ACCSL: variants seen among roughly 807,000 people sequenced by gnomAD.
ACCSL encodes probable inactive 1-aminocyclopropane-1-carboxylate synthase-like protein 2.
In ACCSL, 55 loss-of-function variants were observed where a neutral mutation model predicts 61.7. The ratio of observed to expected loss-of-function variants is 0.89; its 90% CI spans 0.72 to 1.12. The LOEUF is 1.12. Ranked by LOEUF, ACCSL falls within the 50% of genes most tolerant of loss-of-function variation. The pLI is 0.00. For missense variants in ACCSL, 632 were observed against 698.0 expected, an observed-to-expected ratio of 0.91 and a Z score of 1.07; for synonymous variants, 258 against 264.3, an observed-to-expected ratio of 0.98 and a Z score of 0.23.
the ACCSL span, among the ~76,000 whole-genome samples, chr11:44,026,602 G>T: frequency 1.3e-5 from 2 of 152,092 alleles, no homozygotes; most frequent in Non-Finnish European, 2.9e-5. Flanking sequence ...TTCTTAGTGT[G>T]TCCTGTAATT....
the ACCSL span, among the ~76,000 whole-genome samples, chr11:43,952,399 C>T: frequency 6.6e-6 from 1 of 152,166 alleles, no homozygotes; most frequent in Non-Finnish European, 1.5e-5. Context: ...ATTTCTGCCT[C>T]CAAAGAAAGA....
chr11:44,012,671 A>G, the ACCSL span, among the ~76,000 whole-genome samples: 1 of 152,232 alleles, frequency 6.6e-6, no homozygotes, highest in Admixed American at 6.5e-5. Context: ...ATTATCTTCC[A>G]AGAATCTATC....
At chr11:44,050,143 T>C (rs200625908) in intron 2 of ACCSL, 22 bp downstream of exon 2, 1 of 1,604,858 alleles carries the variant, frequency 6.2e-7, no homozygotes, top group African/African-American at 1.3e-5. Flanking sequence ...CTGGGCTGTG[T>C]TGGGACCCAC....
At chr11:43,984,352 A>T in the ACCSL span, among the ~76,000 whole-genome samples, 17 of 152,148 alleles carry the variant, frequency 1.1e-4, no homozygotes, top group Non-Finnish European at 2.1e-4. Flanking sequence ...TTTCTGTCCC[A>T]TTATCTGCTT....
At chr11:44,012,072 G>T in the ACCSL span, among the ~76,000 whole-genome samples, 1 of 152,028 alleles carries the variant, frequency 6.6e-6, no homozygotes, top group African/African-American at 2.4e-5. Context: ...TGTCCGTCCT[G>T]CCAAAGTCTT....
the ACCSL span, among the ~76,000 whole-genome samples, chr11:43,959,762 C>T: frequency 6.6e-6 from 1 of 152,304 alleles, no homozygotes; most frequent in South Asian, 2.1e-4. Flanking sequence ...TTTGTAGAGA[C>T]CAGGCATTCA....
the ACCSL span, among the ~76,000 whole-genome samples, chr11:44,013,863 T>A: frequency 6.6e-6 from 1 of 151,890 alleles, no homozygotes; most frequent in Non-Finnish European, 1.5e-5. Context: ...GGCTTCGGGG[T>A]TGGTAACAGA....
the ACCSL span, among the ~76,000 whole-genome samples, chr11:43,989,102 G>A: frequency 2.0e-5 from 3 of 152,168 alleles, no homozygotes; most frequent in Non-Finnish European, 4.4e-5. Flanking sequence ...GACTAACAGT[G>A]GCGTTTAGGG....
At chr11:44,029,663 G>A in the ACCSL span, among the ~76,000 whole-genome samples, 1 of 152,148 alleles carries the variant, frequency 6.6e-6, no homozygotes, top group Non-Finnish European at 1.5e-5. Flanking sequence ...CTAAACAAGG[G>A]AGTATGAATA....
the ACCSL span, among the ~76,000 whole-genome samples, chr11:43,968,782 A>T: frequency 6.6e-6 from 1 of 152,166 alleles, no homozygotes; most frequent in African/African-American, 2.4e-5. Context: ...TTTTTCCCTA[A>T]CCTGACAATG....
the ACCSL span, among the ~76,000 whole-genome samples, chr11:44,011,405 G>A: frequency 0.37 from 56,682 of 151,974 alleles, 11,215 homozygotes; most frequent in East Asian, 0.65. Flanking sequence ...GAGGGACTGC[G>A]TCTGTTTTTG....
At chr11:44,036,477 G>A in the ACCSL span, among the ~76,000 whole-genome samples, 5 of 152,302 alleles carry the variant, frequency 3.3e-5, no homozygotes, top group Admixed American at 6.5e-5. Context: ...CCAGGGCCCA[G>A]TATTACAGAT....
chr11:44,015,816 C>T, the ACCSL span, among the ~76,000 whole-genome samples: 1 of 152,212 alleles, frequency 6.6e-6, no homozygotes. Flanking sequence ...TTTAAGCTTT[C>T]TGAGCCTCAG....
the ACCSL span, among the ~76,000 whole-genome samples, chr11:43,970,187 G>A: frequency 6.6e-5 from 10 of 151,978 alleles, no homozygotes; most frequent in South Asian, 2.1e-4. Context: ...AGGATCGCTC[G>A]AGTGATCCTC....
At chr11:44,013,657 T>C in the ACCSL span, among the ~76,000 whole-genome samples, 3 of 152,192 alleles carry the variant, frequency 2.0e-5, no homozygotes, top group Non-Finnish European at 2.9e-5. Context: ...TGAAAATATA[T>C]TACGTATTTC....
the ACCSL span, among the ~76,000 whole-genome samples, chr11:44,028,009 CTCAAAAAAA>C: frequency 6.6e-6 from 1 of 152,012 alleles, no homozygotes; most frequent in African/African-American, 2.4e-5. Context: ...TACAAGTCTT[CTCAAAAAAA>C]TTATCTGGGC....
At chr11:44,049,776 C>T (rs2134765956) in intron 1 of ACCSL, among the ~76,000 whole-genome samples, 1 of 152,298 alleles carries the variant, frequency 6.6e-6, no homozygotes, top group East Asian at 1.9e-4. Flanking sequence ...ACCTTCTTTT[C>T]AGGAATTAAG....
the ACCSL span, among the ~76,000 whole-genome samples, chr11:44,021,201 T>A: frequency 6.6e-6 from 1 of 152,220 alleles, no homozygotes; most frequent in Non-Finnish European, 1.5e-5. Flanking sequence ...CCATACTGTT[T>A]CCCATAGTGG....
chr11:44,042,629 T>A, the ACCSL span, among the ~76,000 whole-genome samples: 1 of 60,402 alleles, frequency 1.7e-5, no homozygotes, highest in African/African-American at 7.1e-5. Flanking sequence ...CCTGGTTGTT[T>A]TTTTTTTGTT....
Sources: gnomAD v4.1 joint callset for allele counts (sites outside exome capture counted in the v4.1 genomes callset) on GRCh38, gnomAD v4.1.1 for gene constraint, MANE v1.5 for transcripts, NCBI Gene and HGNC (gene_info 2026-07-23, HGNC 2026-07-21) for gene names.